Variants in ANTXR2 observed in about 807,000 individuals in gnomAD.
The protein encoded by ANTXR2 is ANTXR cell adhesion molecule 2.
In ANTXR2, 44 loss-of-function variants were observed where a neutral mutation model predicts 73.7. That is an observed-to-expected ratio of 0.60 (90% CI 0.47 to 0.77). The LOEUF (loss-of-function observed/expected upper bound fraction) is 0.77, where lower values mean the gene tolerates loss of function less well. ANTXR2 is among the 30% of genes least tolerant of loss of function. The pLI, the probability that ANTXR2 is intolerant of heterozygous loss-of-function variation, is 0.00. For synonymous variants in ANTXR2, 217 were observed against 205.9 expected, an observed-to-expected ratio of 1.05 and a Z score of -0.46; for missense variants, 604 against 592.5, an observed-to-expected ratio of 1.02 and a Z score of -0.20.
intron 16 of ANTXR2, among the ~76,000 whole-genome samples, chr4:79,915,852 C>CTATA (rs1394190065): frequency 5.5e-4 from 64 of 115,630 alleles, no homozygotes; most frequent in Middle Eastern, 4.7e-3. Flanking sequence ...CTCTCTCTCT[C>CTATA]TCTCTCTCTC....
intron 11 of ANTXR2, among the ~76,000 whole-genome samples, chr4:80,010,046 G>GTT (rs11303326): frequency 6.8e-6 from 1 of 147,930 alleles, no homozygotes; most frequent in Non-Finnish European, 1.5e-5. Context: ...TTGTTTTGTG[G>GTT]TTTTTTTTTT....
At chr4:79,995,501 G>A (rs1052465167) in intron 12 of ANTXR2, among the ~76,000 whole-genome samples, 8 of 151,900 alleles carry the variant, frequency 5.3e-5, no homozygotes, top group Non-Finnish European at 7.4e-5. Context: ...TTGTAGAAGA[G>A]GAGATAGAAG....
chr4:80,072,279 C>T (rs1734829842), intron 1 of ANTXR2, 130 bp downstream of exon 1: 2 of 1,069,926 alleles, frequency 1.9e-6, no homozygotes, highest in Non-Finnish European at 2.6e-6. Flanking sequence ...TGAAAGAAGA[C>T]AGCAACAGGG....
intron 7 of ANTXR2, among the ~76,000 whole-genome samples, chr4:80,047,339 C>T (rs1423737456): frequency 6.6e-6 from 1 of 151,656 alleles, no homozygotes; most frequent in Non-Finnish European, 1.5e-5. Flanking sequence ...TGTTTATTAT[C>T]AAGTGGGATT....
chr4:79,966,449 A>G (rs1483100551), intron 16 of ANTXR2, among the ~76,000 whole-genome samples: 1 of 152,208 alleles, frequency 6.6e-6, no homozygotes, highest in East Asian at 1.9e-4. Context: ...GCATTACCAA[A>G]GCAGATCATC....
At chr4:79,990,304 G>A (rs146156666) in intron 12 of ANTXR2, among the ~76,000 whole-genome samples, 124 of 133,066 alleles carry the variant, frequency 9.3e-4, no homozygotes, top group Middle Eastern at 5.5e-3. Context: ...CAAACCAAAT[G>A]TGCAAAAATA....
At chr4:80,061,798 A>G (rs1220168051) in intron 3 of ANTXR2, among the ~76,000 whole-genome samples, 3 of 152,170 alleles carry the variant, frequency 2.0e-5, no homozygotes, top group African/African-American at 7.2e-5. Flanking sequence ...TTCCATTAAT[A>G]AACCACAAAA....
At chr4:80,061,069 TC>T (rs1342752084) in intron 3 of ANTXR2, among the ~76,000 whole-genome samples, 2 of 152,132 alleles carry the variant, frequency 1.3e-5, no homozygotes, top group African/African-American at 4.8e-5. Context: ...AGGTTGGGCT[TC>T]TTCCTAGCAT....
At chr4:80,036,632 T>G (rs763383418) in intron 7 of ANTXR2, among the ~76,000 whole-genome samples, 11 of 151,920 alleles carry the variant, frequency 7.2e-5, no homozygotes, top group Non-Finnish European at 1.5e-4. Context: ...GAATCCTGTC[T>G]CTACTAAAAA....
intron 16 of ANTXR2, among the ~76,000 whole-genome samples, chr4:79,910,660 G>T (rs1396950410): frequency 6.6e-6 from 1 of 152,108 alleles, no homozygotes; most frequent in Admixed American, 6.6e-5. Context: ...CAAGTGAATG[G>T]ATGGATGAAG....
chr4:80,067,760 C>T (rs111592621), intron 3 of ANTXR2, among the ~76,000 whole-genome samples: 55 of 152,172 alleles, frequency 3.6e-4, no homozygotes, highest in African/African-American at 1.3e-3. Flanking sequence ...AACAGAAAAC[C>T]CAACACTGCA....
chr4:79,937,770 G>A (rs1728333778), intron 16 of ANTXR2, among the ~76,000 whole-genome samples: 1 of 151,828 alleles, frequency 6.6e-6, no homozygotes, highest in Non-Finnish European at 1.5e-5. Flanking sequence ...CTCCCAGCGT[G>A]AGCGACGCAG....
intron 12 of ANTXR2, among the ~76,000 whole-genome samples, chr4:79,991,774 TA>T (rs773729265): frequency 1.3e-5 from 2 of 151,816 alleles, no homozygotes; most frequent in Admixed American, 6.6e-5. Context: ...AACAGCTATT[TA>T]AAAAAAATGA....
intron 16 of ANTXR2, 177 bp downstream of exon 16, chr4:79,977,444 T>A: frequency 1.6e-6 from 2 of 1,264,656 alleles, no homozygotes; most frequent in Non-Finnish European, 2.1e-6. Context: ...AGTTTGAAGA[T>A]GCATTCTAAC....
chr4:79,993,930 GT>G (rs913252587), intron 12 of ANTXR2, among the ~76,000 whole-genome samples: 17 of 147,364 alleles, frequency 1.2e-4, no homozygotes, highest in East Asian at 4.0e-4. Context: ...ATCTTGGTCA[GT>G]TTTTTTTTTA....
chr4:79,982,130 T>A (rs1029879650), intron 14 of ANTXR2, among the ~76,000 whole-genome samples: 7 of 152,184 alleles, frequency 4.6e-5, no homozygotes, highest in African/African-American at 1.7e-4. Context: ...CCTAGTTTTT[T>A]AAAGCAAGAA....
intron 16 of ANTXR2, among the ~76,000 whole-genome samples, chr4:79,924,933 C>A (rs1383067606): frequency 3.3e-5 from 5 of 152,102 alleles, no homozygotes. Flanking sequence ...CCTATCATTA[C>A]AGATAGAAAA....
chr4:80,055,074 T>C, intron 6 of ANTXR2, 76 bp downstream of exon 6: 1 of 1,344,778 alleles, frequency 7.4e-7, no homozygotes, highest in Non-Finnish European at 1.0e-6. Flanking sequence ...ATGTCATCAG[T>C]GAAAAGAATT....
chr4:79,921,955 T>TA (rs1397451382), intron 16 of ANTXR2, among the ~76,000 whole-genome samples: 1 of 152,072 alleles, frequency 6.6e-6, no homozygotes, highest in African/African-American at 2.4e-5. Context: ...TAAGATGTAA[T>TA]AAATCCCAAA....
Sources: gnomAD v4.1 joint callset for allele counts (sites outside exome capture counted in the v4.1 genomes callset) on GRCh38, gnomAD v4.1.1 for gene constraint, MANE v1.5 for transcripts, NCBI Gene and HGNC (gene_info 2026-07-23, HGNC 2026-07-21) for gene names.